Variants in GPC5 observed in about 807,000 individuals in gnomAD.
GPC5 encodes the protein glypican 5.
A neutral mutation model predicts 53.9 loss-of-function variants in GPC5; 47 were observed. The ratio of observed to expected loss-of-function variants is 0.87; its 90% CI spans 0.69 to 1.11. The LOEUF is 1.11. Ranked by LOEUF, GPC5 falls within the 50% of genes most tolerant of loss-of-function variation. GPC5 has a pLI of 0.00. For synonymous variants in GPC5, 286 were observed against 263.3 expected (o/e 1.09, Z -0.84); for missense variants, 748 against 713.1 (o/e 1.05, Z -0.56).
intron 7 of GPC5, among the ~76,000 whole-genome samples, chr13:92,245,122 T>C (rs528654238): frequency 3.0e-4 from 45 of 152,082 alleles, no homozygotes; most frequent in Non-Finnish European, 4.7e-4. Flanking sequence ...ACTTGTCTCT[T>C]GCAAAACACA....
intron 7 of GPC5, among the ~76,000 whole-genome samples, chr13:92,287,261 T>C (rs572942662): frequency 6.6e-6 from 1 of 152,354 alleles, no homozygotes; most frequent in South Asian, 2.1e-4. Flanking sequence ...ATCTTGAAAG[T>C]TGTTTTATGG....
chr13:91,602,372 C>T (rs1319766678), intron 2 of GPC5, among the ~76,000 whole-genome samples: 1 of 152,104 alleles, frequency 6.6e-6, no homozygotes. Context: ...GCAATTAACC[C>T]AGTGATTAGA....
intron 2 of GPC5, among the ~76,000 whole-genome samples, chr13:91,512,197 A>C (rs1429036601): frequency 6.6e-6 from 1 of 152,194 alleles, no homozygotes; most frequent in African/African-American, 2.4e-5. Context: ...GAAACTACCA[A>C]AGTTCACGAG....
intron 2 of GPC5, among the ~76,000 whole-genome samples, chr13:91,516,133 C>A (rs1261021218): frequency 6.6e-6 from 1 of 152,070 alleles, no homozygotes; most frequent in Non-Finnish European, 1.5e-5. Flanking sequence ...CTATGTCATT[C>A]CACCCCTGGC....
At chr13:91,556,358 T>A (rs925108243) in intron 2 of GPC5, among the ~76,000 whole-genome samples, 3 of 151,922 alleles carry the variant, frequency 2.0e-5, no homozygotes, top group Non-Finnish European at 1.5e-5. Context: ...TACCATTTGA[T>A]CCAGCAATCC....
intron 7 of GPC5, among the ~76,000 whole-genome samples, chr13:92,765,954 T>C (rs925927402): frequency 1.3e-5 from 2 of 152,072 alleles, no homozygotes; most frequent in Non-Finnish European, 2.9e-5. Context: ...ATGAGAAGAA[T>C]GAAAACCTTT....
intron 7 of GPC5, among the ~76,000 whole-genome samples, chr13:92,836,526 T>C (rs1001204262): frequency 6.6e-6 from 1 of 152,050 alleles, no homozygotes; most frequent in African/African-American, 2.4e-5. Context: ...GTTTATGACA[T>C]ACAAATTTAG....
chr13:92,196,959 G>A (rs1445628004), intron 7 of GPC5, among the ~76,000 whole-genome samples: 3 of 152,130 alleles, frequency 2.0e-5, no homozygotes, highest in African/African-American at 7.2e-5. Context: ...CTGCTATACA[G>A]GAAATGTTAA....
intron 1 of GPC5, among the ~76,000 whole-genome samples, chr13:91,417,452 T>C (rs534987110): frequency 5.3e-5 from 8 of 152,208 alleles, no homozygotes; most frequent in African/African-American, 1.9e-4. Flanking sequence ...AGACAAGGAG[T>C]TTATTCTGAA....
intron 7 of GPC5, among the ~76,000 whole-genome samples, chr13:92,152,503 T>C (rs1411389253): frequency 6.6e-6 from 1 of 152,156 alleles, no homozygotes; most frequent in Non-Finnish European, 1.5e-5. Context: ...TTTTTAAAAA[T>C]GCTTCTATAA....
chr13:91,837,321 A>G (rs2038732407), intron 5 of GPC5, among the ~76,000 whole-genome samples: 1 of 152,038 alleles, frequency 6.6e-6, no homozygotes, highest in Non-Finnish European at 1.5e-5. Context: ...TGGTTCTATC[A>G]TTGGGAATCA....
chr13:92,820,147 T>C (rs1305566437), intron 7 of GPC5, among the ~76,000 whole-genome samples: 6 of 152,140 alleles, frequency 3.9e-5, no homozygotes, highest in Non-Finnish European at 1.5e-5. Flanking sequence ...CTAGTGCCTA[T>C]CTCTTTTGGT....
chr13:92,770,978 A>G (rs1348372106), intron 7 of GPC5, among the ~76,000 whole-genome samples: 2 of 151,834 alleles, frequency 1.3e-5, no homozygotes, highest in African/African-American at 4.8e-5. Flanking sequence ...CTACCTCTCC[A>G]CTGACACGAG....
At position 91,979,843 on chromosome 13, in the gene GPC5, C is replaced by T. The variant is rs75596720; in HGVS notation, c.1401+71786C>T. 4.9e-3 allele frequency among the ~76,000 whole-genome samples: 746 copies of T among 152,298 alleles called. 1 individual carries two copies. Among genetic ancestry groups the T allele is most frequent in the Middle Eastern group, 0.01 (3 of 294 alleles). Reference sequence around the variant, plus strand: ...CCTTGGTTCAACAGATTCTGGATGCCTGCCCTGTGTGATCAGAAACATCTA... The same window carrying T: ...CCTTGGTTCAACAGATTCTGGATGCTTGCCCTGTGTGATCAGAAACATCTA... On this transcript the variant is annotated intron_variant, in intron 6 of 7. Transcript: ENST00000377067.
At chr13:92,175,036 A>G (rs144118203) in intron 7 of GPC5, among the ~76,000 whole-genome samples, 4 of 152,302 alleles carry the variant, frequency 2.6e-5, no homozygotes, top group Non-Finnish European at 5.9e-5. Context: ...TAGTTTTAGT[A>G]GAGACGGGGT....
chr13:91,966,235 T>C (rs2139083714), intron 6 of GPC5, among the ~76,000 whole-genome samples: 1 of 152,280 alleles, frequency 6.6e-6, no homozygotes, highest in Non-Finnish European at 1.5e-5. Context: ...CAGAACAACT[T>C]ACTTTAACAT....
intron 3 of GPC5, among the ~76,000 whole-genome samples, chr13:91,722,523 T>C (rs1013259190): frequency 1.3e-5 from 2 of 152,140 alleles, no homozygotes; most frequent in Non-Finnish European, 2.9e-5. Context: ...AATGCAAAAA[T>C]AGCAACGTGG....
chr13:91,529,420 C>T (rs1204775367), intron 2 of GPC5, among the ~76,000 whole-genome samples: 1 of 152,002 alleles, frequency 6.6e-6, no homozygotes, highest in African/African-American at 2.4e-5. Context: ...TGGAATGATA[C>T]CTAGATTTCA....
chr13:92,111,495 A>C (rs1228758739), intron 6 of GPC5, among the ~76,000 whole-genome samples: 1 of 152,142 alleles, frequency 6.6e-6, no homozygotes, highest in African/African-American at 2.4e-5. Flanking sequence ...GTAATTGGGA[A>C]ATTACTTATT....
Sources: allele counts gnomAD v4.1 joint callset (sites outside exome capture counted in the v4.1 genomes callset), GRCh38; gene constraint gnomAD v4.1.1; transcripts MANE v1.5; gene names NCBI Gene and HGNC (gene_info 2026-07-23, HGNC 2026-07-21).